The following LRRC37A variants were observed in gnomAD, a reference collection of about 807,000 sequenced individuals.
LRRC37A encodes leucine rich repeat containing 37A.
A neutral mutation model predicts 35.4 loss-of-function variants in LRRC37A; 3 were observed. The observed-to-expected ratio is 0.08, with a 90% confidence interval of 0.04 to 0.22. The LOEUF (loss-of-function observed/expected upper bound fraction) is 0.22. Ranked by LOEUF, LRRC37A falls within the 10% of genes least tolerant of loss-of-function variation. The pLI, the probability that LRRC37A is intolerant of heterozygous loss-of-function variation, is 1.00. For synonymous variants in LRRC37A, 23 were observed against 215.0 expected, an observed-to-expected ratio of 0.11 and a Z score of 7.81; for missense variants, 67 against 565.3, an observed-to-expected ratio of 0.12 and a Z score of 8.94.
At chr17:46,282,417 G>GT in the LRRC37A span, among the ~76,000 whole-genome samples, 16,345 of 144,084 alleles carry the variant, frequency 0.11, 934 homozygotes, top group East Asian at 0.27. Context: ...TTTTTTGTTT[G>GT]TTTTTTTTTT....
the LRRC37A span, among the ~76,000 whole-genome samples, chr17:46,248,670 C>T: frequency 6.6e-6 from 1 of 151,924 alleles, no homozygotes; most frequent in African/African-American, 2.4e-5. Flanking sequence ...CAGGCACATG[C>T]CACCACGCCT....
At chr17:46,279,369 A>G in the LRRC37A span, among the ~76,000 whole-genome samples, 1 of 151,632 alleles carries the variant, frequency 6.6e-6, no homozygotes, top group Non-Finnish European at 1.5e-5. Flanking sequence ...TTTTTAATAG[A>G]GACGAGGTTT....
chr17:46,257,053 C>T, the LRRC37A span, among the ~76,000 whole-genome samples: 22,005 of 152,000 alleles, frequency 0.14, 2,132 homozygotes, highest in Non-Finnish European at 0.22. Flanking sequence ...TAATTATTAG[C>T]TGTATAACCT....
chr17:46,277,765 G>C, the LRRC37A span, among the ~76,000 whole-genome samples: 2 of 151,810 alleles, frequency 1.3e-5, no homozygotes, highest in Non-Finnish European at 2.9e-5. Context: ...TCCTGCCTCA[G>C]CCTCCCGAGT....
At chr17:46,279,517 T>C in the LRRC37A span, among the ~76,000 whole-genome samples, 1 of 150,652 alleles carries the variant, frequency 6.6e-6, no homozygotes, top group Non-Finnish European at 1.5e-5. Context: ...TTTTTTTTTT[T>C]TTGAGATAGG....
chr17:46,282,978 G>A, the LRRC37A span, among the ~76,000 whole-genome samples: 1 of 151,956 alleles, frequency 6.6e-6, no homozygotes, highest in Admixed American at 6.6e-5. Flanking sequence ...AATTAGTCGG[G>A]TGTGATGGCA....
At chr17:46,289,804 G>A (rs2696489), upstream of LRRC37A, among the ~76,000 whole-genome samples, 17,671 of 147,978 alleles carry the variant, frequency 0.12, 1 homozygote, top group Middle Eastern at 0.19. Context: ...ATGAAGGGCC[G>A]AATTAATTTT....
At chr17:46,255,636 G>A in the LRRC37A span, among the ~76,000 whole-genome samples, 1 of 151,268 alleles carries the variant, frequency 6.6e-6, no homozygotes, top group African/African-American at 2.4e-5. Context: ...AAAGTGCTGG[G>A]ATTACCAGCA....
chr17:46,302,451 G>A lies in LRRC37A; in HGVS notation c.2682-187G>A, dbSNP rs1207761977. Among the ~76,000 whole-genome samples the A allele has an allele frequency of 8.4e-5, 6 of 71,512 alleles. 2 individuals carry two copies. The highest frequency in any genetic ancestry group is 2.5e-4 in the Non-Finnish European group (6 of 24,340). The allele number at this position is 71,512 out of a possible 152,430, so 46.9% of individuals were successfully genotyped here. A position where few individuals can be genotyped will look rare whatever the true frequency, so the allele number is the denominator to read the frequency against. ...CTTGAGTGTGTGTGTGTGTGTGTTT[G>A]TGGTGGTGGTGGAGAGAGATGGACA... On this transcript the variant is annotated intron_variant, in intron 2 of 13. Transcript: ENST00000320254.
chr17:46,253,629 A>G, the LRRC37A span, among the ~76,000 whole-genome samples: 1 of 150,894 alleles, frequency 6.6e-6, no homozygotes, highest in Admixed American at 6.6e-5. Flanking sequence ...CGTGCCTGCA[A>G]TCGCAGGCAC....
the LRRC37A span, among the ~76,000 whole-genome samples, chr17:46,265,826 G>A: frequency 0.11 from 15,702 of 144,332 alleles, 1 homozygote; most frequent in Middle Eastern, 0.18. Flanking sequence ...GCCGGCCGTC[G>A]TGGCTGATGC....
At chr17:46,281,678 C>CT in the LRRC37A span, among the ~76,000 whole-genome samples, 1 of 152,168 alleles carries the variant, frequency 6.6e-6, no homozygotes, top group African/African-American at 2.4e-5. Context: ...GAGAGTCTCA[C>CT]TGTCACCCAG....
chr17:46,251,188 C>A, the LRRC37A span, among the ~76,000 whole-genome samples: 1 of 152,056 alleles, frequency 6.6e-6, no homozygotes, highest in Non-Finnish European at 1.5e-5. Context: ...TGGTTCTCAA[C>A]TGGGCCAATT....
the LRRC37A span, among the ~76,000 whole-genome samples, chr17:46,248,667 A>C: frequency 1.3e-3 from 194 of 151,878 alleles, 6 homozygotes; most frequent in African/African-American, 4.5e-3. Context: ...TTACAGGCAC[A>C]TGCCACCACG....
the LRRC37A span, among the ~76,000 whole-genome samples, chr17:46,270,629 C>T: frequency 6.6e-6 from 1 of 152,228 alleles, no homozygotes; most frequent in African/African-American, 2.4e-5. Context: ...AAAGGCTAGG[C>T]CGGGAGCTGT....
chr17:46,279,105 A>T, the LRRC37A span, among the ~76,000 whole-genome samples: 4 of 151,838 alleles, frequency 2.6e-5, no homozygotes, highest in African/African-American at 4.8e-5. Flanking sequence ...GCCCAATGTC[A>T]TTATTTACAT....
the LRRC37A span, among the ~76,000 whole-genome samples, chr17:46,279,993 C>G: frequency 2.0e-5 from 3 of 152,194 alleles, no homozygotes; most frequent in Non-Finnish European, 4.4e-5. Context: ...GATTGCTTAC[C>G]GCACAGCCTG....
At chr17:46,263,082 G>T in the LRRC37A span, among the ~76,000 whole-genome samples, 1 of 151,912 alleles carries the variant, frequency 6.6e-6, no homozygotes, top group Non-Finnish European at 1.5e-5. Flanking sequence ...GTTTGGTGGT[G>T]GGTACCTGTA....
chr17:46,277,519 G>T, the LRRC37A span, among the ~76,000 whole-genome samples: 1 of 152,214 alleles, frequency 6.6e-6, no homozygotes, highest in Non-Finnish European at 1.5e-5. Context: ...AAAGCATAGA[G>T]GGGCTTATAA....
Sources: gnomAD v4.1 joint callset for allele counts (sites outside exome capture counted in the v4.1 genomes callset) on GRCh38, gnomAD v4.1.1 for gene constraint, MANE v1.5 for transcripts, NCBI Gene and HGNC (gene_info 2026-07-23, HGNC 2026-07-21) for gene names.